NRG2: variants seen among roughly 807,000 people sequenced by gnomAD.
NRG2 encodes pro-neuregulin-2, membrane-bound isoform.
Under a neutral mutation model 73.9 loss-of-function variants are expected in NRG2, and 27 were observed. The observed-to-expected ratio is 0.37, with a 90% CI of 0.27 to 0.50. The LOEUF (loss-of-function observed/expected upper bound fraction) is 0.50. NRG2 is among the 20% of genes least tolerant of loss of function. The pLI, the probability that NRG2 is intolerant of heterozygous loss-of-function variation, is 0.96. For missense variants in NRG2, 1,126 were observed against 1,210.1 expected (o/e 0.93, Z 1.03); for synonymous variants, 532 against 541.0 (o/e 0.98, Z 0.23).
At chr5:140,005,089 A>T (rs940966504) in intron 1 of NRG2, among the ~76,000 whole-genome samples, 3 of 152,218 alleles carry the variant, frequency 2.0e-5, no homozygotes, top group Admixed American at 2.0e-4. Flanking sequence ...TTCTCAGGGG[A>T]TGTAGAATTG....
intron 1 of NRG2, among the ~76,000 whole-genome samples, chr5:139,926,529 G>C (rs1389021846): frequency 6.6e-6 from 1 of 152,154 alleles, no homozygotes; most frequent in Non-Finnish European, 1.5e-5. Flanking sequence ...ATGATGCTAT[G>C]CTTATGGCCT....
intron 1 of NRG2, among the ~76,000 whole-genome samples, chr5:140,035,887 A>G (rs1318445075): frequency 6.6e-6 from 1 of 152,192 alleles, no homozygotes; most frequent in Admixed American, 6.5e-5. Context: ...GGGGAGAGAA[A>G]AAAAAAAGTA....
At chr5:139,982,180 C>T (rs527640689) in intron 1 of NRG2, among the ~76,000 whole-genome samples, 1 of 152,078 alleles carries the variant, frequency 6.6e-6, no homozygotes, top group Non-Finnish European at 1.5e-5. Context: ...TAAAGTGAAG[C>T]CTAAACTCCT....
intron 1 of NRG2, among the ~76,000 whole-genome samples, chr5:139,903,952 C>G (rs1436257729): frequency 2.0e-5 from 3 of 152,230 alleles, no homozygotes; most frequent in African/African-American, 7.2e-5. Context: ...AGGCCGGGCC[C>G]AGCGTCTGAT....
chr5:139,897,750 C>T (rs1157419353), intron 1 of NRG2, among the ~76,000 whole-genome samples: 1 of 152,154 alleles, frequency 6.6e-6, no homozygotes, highest in African/African-American at 2.4e-5. Flanking sequence ...AGAGCCCCTT[C>T]CCACCCAACA....
At chr5:139,998,761 C>A in intron 1 of NRG2, among the ~76,000 whole-genome samples, 1 of 70 alleles carries the variant, frequency 0.014, no homozygotes, top group East Asian at 0.5. Flanking sequence ...CACTATCTAC[C>A]ATCCAAGGGC....
At chr5:139,946,572 G>T (rs895778287) in intron 1 of NRG2, among the ~76,000 whole-genome samples, 1 of 151,572 alleles carries the variant, frequency 6.6e-6, no homozygotes, top group South Asian at 2.1e-4. Flanking sequence ...GTGATTTGTT[G>T]GATATGACAC....
At position 139,880,876 on chromosome 5, in the gene NRG2, C is replaced by A. The variant is rs767539993; in HGVS notation, c.971G>T (p.Gly324Val). The change falls in exon 3 of 10, where the codon GGC becomes GTC. Residue 324 changes from glycine to valine, a missense_variant. Transcript: ENST00000361474. ...ENILGKDTVR[G>V]RLYVNSVSTT... ...CCTACCGCTGTTGACGTAAAGCCGG[C>A]CCCGGACGGTGTCCTTCCCCAGGAT... is the stretch of plus-strand genomic sequence containing the variant. The A allele has an allele frequency of 6.2e-7, 1 of 1,614,022 alleles. No individual in the cohort carries two copies. Among genetic ancestry groups the A allele is most frequent in the South Asian group, 1.1e-5 (1 of 91,068 alleles).
intron 1 of NRG2, among the ~76,000 whole-genome samples, chr5:139,984,927 A>C (rs975630214): frequency 6.6e-6 from 1 of 152,206 alleles, no homozygotes; most frequent in Admixed American, 6.5e-5. Flanking sequence ...AGATACTTGC[A>C]TAGCATACCA....
chr5:139,925,765 G>T (rs999949838), intron 1 of NRG2, among the ~76,000 whole-genome samples: 3 of 152,198 alleles, frequency 2.0e-5, no homozygotes, highest in African/African-American at 7.2e-5. Context: ...GGCTCCTGAG[G>T]TCTGGTAGAG....
At chr5:139,889,089 T>C (rs1213176423) in intron 1 of NRG2, among the ~76,000 whole-genome samples, 1 of 152,172 alleles carries the variant, frequency 6.6e-6, no homozygotes, top group African/African-American at 2.4e-5. Flanking sequence ...AAAACAGATA[T>C]TACTTGACAA....
At chr5:140,004,390 G>T (rs897561356) in intron 1 of NRG2, among the ~76,000 whole-genome samples, 1 of 152,108 alleles carries the variant, frequency 6.6e-6, no homozygotes, top group Non-Finnish European at 1.5e-5. Context: ...AAGAGAAAAA[G>T]GATCTGCACA....
intron 1 of NRG2, among the ~76,000 whole-genome samples, chr5:140,000,586 A>C (rs1758382074): frequency 6.6e-6 from 1 of 152,248 alleles, no homozygotes; most frequent in East Asian, 1.9e-4. Flanking sequence ...GTGAAGGAAC[A>C]TTGTAAATGT....
At position 139,853,047 on chromosome 5, in the gene NRG2, G is replaced by T. The variant is rs1176415514; in HGVS notation, c.1293-20C>A. The T allele has an allele frequency of 6.2e-7, 1 of 1,612,736 alleles. No individual in the cohort carries two copies. Among genetic ancestry groups the T allele is most frequent in the Non-Finnish European group, 8.5e-7 (1 of 1,179,496 alleles). ...TGTTTTCTGCACAAGGGAAGGGAAG[G>T]TGAGGCTGGCATTCCCCCCACTCGC... is the stretch of plus-strand genomic sequence containing the variant. On this transcript the variant is annotated intron_variant, in intron 6 of 9. Coordinates refer to ENST00000361474, the MANE Select transcript of NRG2 (RefSeq NM_004883.3). The surrounding 1 kb of genome is among the most constrained non-coding windows in gnomAD (Gnocchi z 4.1).
intron 1 of NRG2, among the ~76,000 whole-genome samples, chr5:140,037,613 T>C (rs1304290340): frequency 6.6e-6 from 1 of 152,030 alleles, no homozygotes; most frequent in Non-Finnish European, 1.5e-5. Context: ...TGAAAGAAAA[T>C]TTAAGACTAC....
intron 1 of NRG2, among the ~76,000 whole-genome samples, chr5:139,913,542 A>G (rs188264166): frequency 6.6e-6 from 1 of 152,364 alleles, no homozygotes; most frequent in Non-Finnish European, 1.5e-5. Flanking sequence ...CGGCAGCCAG[A>G]GGATTCATAG....
At chr5:139,881,019 C>T (rs879916573) in intron 2 of NRG2, 45 bp from the exon 3 acceptor site, 200 of 1,537,966 alleles carry the variant, frequency 1.3e-4, no homozygotes, top group Non-Finnish European at 1.7e-4. Flanking sequence ...GAGCCAGGGC[C>T]GGCTGTGGCT....
At chr5:139,980,805 A>G (rs1239986910) in intron 1 of NRG2, among the ~76,000 whole-genome samples, 1 of 151,964 alleles carries the variant, frequency 6.6e-6, no homozygotes, top group Admixed American at 6.6e-5. Context: ...TTCTCCCCAC[A>G]ATTTTTTCTG....
intron 5 of NRG2, among the ~76,000 whole-genome samples, chr5:139,862,640 G>A (rs1011178601): frequency 6.6e-6 from 1 of 152,270 alleles, no homozygotes; most frequent in African/African-American, 2.4e-5. Context: ...AGGCAGTGAT[G>A]TGTACAGATG....
Sources: allele counts gnomAD v4.1 joint callset (sites outside exome capture counted in the v4.1 genomes callset), GRCh38; gene constraint gnomAD v4.1.1; non-coding constraint Gnocchi (gnomAD v3.1); transcripts MANE v1.5; gene names NCBI Gene and HGNC (gene_info 2026-07-23, HGNC 2026-07-21).